Variants in SLC13A3 observed in about 807,000 individuals in gnomAD.
SLC13A3 encodes Na(+)/dicarboxylate cotransporter 3.
SLC13A3 carries 40 observed loss-of-function variants against 59.0 expected under a neutral mutation model. The ratio of observed to expected loss-of-function variants is 0.68; its 90% CI spans 0.53 to 0.88. SLC13A3 has a LOEUF of 0.88. Ranked by LOEUF, SLC13A3 falls within the 40% of genes least tolerant of loss-of-function variation. SLC13A3 has a pLI of 0.00. For missense variants in SLC13A3, 699 were observed against 783.2 expected (o/e 0.89, Z 1.28); for synonymous variants, 317 against 330.3 (o/e 0.96, Z 0.44).
chr20:46,639,828 A>G (rs1031488240), intron 1 of SLC13A3, among the ~76,000 whole-genome samples: 1 of 152,172 alleles, frequency 6.6e-6, no homozygotes, highest in Non-Finnish European at 1.5e-5. Context: ...TCTGAGCCTC[A>G]ACTTCCTCAT....
chr20:46,560,310 G>A, intron 12 of SLC13A3, 112 bp from the exon 13 acceptor site: 2 of 1,014,986 alleles, frequency 2.0e-6, no homozygotes, highest in Non-Finnish European at 3.0e-6. Context: ...CAGCCAGGAA[G>A]TGATGGAGCC....
chr20:46,586,741 T>C (rs2062196855), intron 8 of SLC13A3, among the ~76,000 whole-genome samples: 1 of 152,216 alleles, frequency 6.6e-6, no homozygotes, highest in Admixed American at 6.5e-5. Context: ...CTTTGAATGA[T>C]ATCTTGACTG....
At chr20:46,611,473 A>G (rs929720195) in intron 2 of SLC13A3, among the ~76,000 whole-genome samples, 1 of 152,098 alleles carries the variant, frequency 6.6e-6, no homozygotes, top group Non-Finnish European at 1.5e-5. Flanking sequence ...AGTTCCATAG[A>G]TGGAGTCTGT....
At chr20:46,587,374 C>T (rs3091805) in intron 8 of SLC13A3, among the ~76,000 whole-genome samples, 26,377 of 152,136 alleles carry the variant, frequency 0.17, 2,874 homozygotes, top group African/African-American at 0.31. Context: ...AAAAAACAAA[C>T]CAAAATGCAT....
intron 3 of SLC13A3, among the ~76,000 whole-genome samples, chr20:46,609,431 G>A (rs192911917): frequency 2.4e-4 from 37 of 152,262 alleles, no homozygotes; most frequent in African/African-American, 7.5e-4. Context: ...TTCATAATAC[G>A]TTATCACTAT....
At chr20:46,622,954 C>T (rs774728347) in intron 1 of SLC13A3, among the ~76,000 whole-genome samples, 24 of 152,130 alleles carry the variant, frequency 1.6e-4, no homozygotes, top group Non-Finnish European at 3.2e-4. Context: ...ATTGAAGAAA[C>T]TGAATCAATC....
intron 1 of SLC13A3, among the ~76,000 whole-genome samples, chr20:46,659,227 T>C (rs2063012066): frequency 6.6e-6 from 1 of 152,246 alleles, no homozygotes; most frequent in Non-Finnish European, 1.5e-5. Context: ...ATTTGTTCTT[T>C]GTTCCTCTCT....
At chr20:46,667,827 C>T (rs535741314) in intron 1 of SLC13A3, among the ~76,000 whole-genome samples, 2 of 152,238 alleles carry the variant, frequency 1.3e-5, no homozygotes. Flanking sequence ...ATTTTTCCAA[C>T]AGCATGTGCT....
In SLC13A3 at chr20:46,596,220, A is replaced by G. The variant is rs780281580; in HGVS notation, c.731T>C (p.Ile244Thr). 2.0e-5 allele frequency: 32 copies of G among 1,614,042 alleles called. No individual in the cohort carries two copies. Among genetic ancestry groups the G allele is most frequent in the South Asian group, 3.3e-5 (3 of 91,078 alleles). ...FLISIPYSAS[I>T]GGTATLTGTA... ...GCCCGTGAGTGTGGCTGTGCCCCCA[A>G]TACTGGCTGAGTAGGGGATGGAGAT... Residue 244 changes from isoleucine to threonine, a missense_variant, in exon 5 of 13, where the codon ATT (isoleucine) becomes ACT (threonine). By Grantham distance (89) the Ile-to-Thr change is moderately conservative. Transcript: ENST00000279027.
chr20:46,585,826 A>G, intron 8 of SLC13A3: 1 of 1,250,228 alleles, frequency 8.0e-7, no homozygotes, highest in Non-Finnish European at 1.0e-6. Flanking sequence ...ATGAAATTAT[A>G]TTGTTTCTTG....
chr20:46,623,185 A>C lies in SLC13A3; in HGVS notation c.112-9460T>G, dbSNP rs2122782171. ...AAAAGAAAATGGAATACAATGGTTG[A>C]GAACAGTGACATGCAGTCACCTGGA... On this transcript the variant is annotated intron_variant, in intron 1 of 12. Coordinates refer to ENST00000279027, the MANE Select transcript of SLC13A3 (RefSeq NM_022829.6). Among the ~76,000 whole-genome samples, 3 of 152,344 alleles carry C rather than the reference A, an allele frequency of 2.0e-5. No individual in the cohort carries two copies. The South Asian group carries it at 6.2e-4, about 32-fold the overall frequency.
chr20:46,628,361 A>C (rs952334856), intron 1 of SLC13A3, among the ~76,000 whole-genome samples: 1 of 152,182 alleles, frequency 6.6e-6, no homozygotes, highest in African/African-American at 2.4e-5. Context: ...GGGAAGAAGG[A>C]GTAGCAGCTT....
chr20:46,654,286 T>C (rs1600620314), upstream of SLC13A3, among the ~76,000 whole-genome samples: 3 of 152,338 alleles, frequency 2.0e-5, no homozygotes, highest in African/African-American at 4.8e-5. Flanking sequence ...TCCATTTTTT[T>C]AGCATTTTGG....
chr20:46,577,440 C>A (rs2062090601), intron 9 of SLC13A3, among the ~76,000 whole-genome samples: 1 of 152,222 alleles, frequency 6.6e-6, no homozygotes, highest in African/African-American at 2.4e-5. Flanking sequence ...CAGCCCTATG[C>A]CTTCAGATGA....
intron 5 of SLC13A3, among the ~76,000 whole-genome samples, chr20:46,594,232 A>G (rs973320060): frequency 6.7e-6 from 1 of 148,976 alleles, no homozygotes; most frequent in Non-Finnish European, 1.5e-5. Flanking sequence ...TATTTTATGT[A>G]TTATATGTTA....
intron 1 of SLC13A3, among the ~76,000 whole-genome samples, chr20:46,676,620 G>A (rs1047360531): frequency 8.6e-5 from 13 of 151,656 alleles, no homozygotes; most frequent in African/African-American, 3.2e-4. Context: ...AAACTAAACT[G>A]TGTCATCCAG....
At chr20:46,617,848 G>A (rs1252783627) in intron 1 of SLC13A3, among the ~76,000 whole-genome samples, 1 of 152,048 alleles carries the variant, frequency 6.6e-6, no homozygotes, top group African/African-American at 2.4e-5. Flanking sequence ...ATGAATTCGT[G>A]CTTTTAAAAA....
intron 7 of SLC13A3, 108 bp downstream of exon 7, chr20:46,589,052 G>T: frequency 1.1e-6 from 1 of 931,566 alleles, no homozygotes. Flanking sequence ...CACGGGTCCT[G>T]GAATTCCCCT....
intron 11 of SLC13A3, among the ~76,000 whole-genome samples, chr20:46,563,811 A>G (rs2061955826): frequency 6.6e-6 from 1 of 152,222 alleles, no homozygotes; most frequent in African/African-American, 2.4e-5. Flanking sequence ...AGGTAAGAAG[A>G]GAACCAGATC....
Sources: allele counts gnomAD v4.1 joint callset (sites outside exome capture counted in the v4.1 genomes callset), GRCh38; gene constraint gnomAD v4.1.1; transcripts MANE v1.5; gene names NCBI Gene and HGNC (gene_info 2026-07-23, HGNC 2026-07-21).